GBE1: variants seen among roughly 807,000 people sequenced by gnomAD.
GBE1 encodes 1,4-alpha-glucan-branching enzyme.
GBE1 carries 70 observed loss-of-function variants against 88.8 expected under a neutral mutation model. The ratio of observed to expected loss-of-function variants is 0.79; its 90% confidence interval spans 0.65 to 0.96. GBE1 has a LOEUF of 0.96. GBE1 is among the 40% of genes least tolerant of loss of function. The pLI is 0.00. For synonymous variants in GBE1, 284 were observed against 300.1 expected, an observed-to-expected ratio of 0.95 and a Z score of 0.56; for missense variants, 872 against 871.0, an observed-to-expected ratio of 1.00 and a Z score of -0.01.
At chr3:81,753,866 C>T (rs1439237705) in intron 1 of GBE1, among the ~76,000 whole-genome samples, 1 of 152,172 alleles carries the variant, frequency 6.6e-6, no homozygotes, top group African/African-American at 2.4e-5. Context: ...TCAGAGCCCA[C>T]AACTTGGCCA....
At chr3:81,517,335 A>AT (rs200493697) in intron 14 of GBE1, among the ~76,000 whole-genome samples, 6 of 150,318 alleles carry the variant, frequency 4.0e-5, no homozygotes, top group Non-Finnish European at 7.4e-5. Context: ...TGGCATGTAC[A>AT]TTTTTTTTTA....
chr3:81,621,670 G>A (rs1245100597), intron 7 of GBE1, among the ~76,000 whole-genome samples: 3 of 152,074 alleles, frequency 2.0e-5, no homozygotes, highest in South Asian at 2.1e-4. Context: ...TCTATTACCC[G>A]AATCATTCCT....
At chr3:81,744,001 C>A (rs1246661305) in intron 1 of GBE1, among the ~76,000 whole-genome samples, 1 of 152,064 alleles carries the variant, frequency 6.6e-6, no homozygotes, top group African/African-American at 2.4e-5. Flanking sequence ...TAGGCTAAGT[C>A]AGAATTTCTT....
intron 3 of GBE1, among the ~76,000 whole-genome samples, chr3:81,668,891 T>C (rs1192255772): frequency 6.6e-6 from 1 of 152,216 alleles, no homozygotes; most frequent in East Asian, 1.9e-4. Flanking sequence ...TCCTAGCTCT[T>C]AGGCTTATTG....
intron 2 of GBE1, among the ~76,000 whole-genome samples, chr3:81,676,860 G>A (rs1448561724): frequency 6.6e-6 from 1 of 152,102 alleles, no homozygotes; most frequent in Non-Finnish European, 1.5e-5. Context: ...TTTAAATCGA[G>A]ATATGGAAAA....
chr3:81,761,004 C>T (rs1706672882), intron 1 of GBE1, among the ~76,000 whole-genome samples: 1 of 152,182 alleles, frequency 6.6e-6, no homozygotes, highest in Non-Finnish European at 1.5e-5. Flanking sequence ...CTCCACAGGC[C>T]CACGCTAGTG....
In GBE1 at chr3:81,705,452, C is replaced by T; in HGVS notation, c.305G>A (p.Gly102Glu). The change falls in exon 2 of 16, where the codon GGA becomes GAA. Residue 102 changes from glycine (G) to glutamate (E), a missense_variant. Coordinates refer to ENST00000429644, the MANE Select transcript of GBE1 (RefSeq NM_000158.4). The part of the protein sequence containing the change: ...APGAEGVFLT[G>E]DFNGWNPFSY... ...TGCTTTCAAGTACTTACTAAAATCT[C>T]CAGTAAGAAAAACTCCTTCTGCTCC... The T allele has an allele frequency of 2.5e-6, 4 of 1,583,538 alleles. No individual in the cohort carries two copies. The highest frequency in any genetic ancestry group is 3.4e-6 in the Non-Finnish European group (4 of 1,166,708).
At chr3:81,639,024 A>G (rs1262471788) in intron 7 of GBE1, among the ~76,000 whole-genome samples, 1 of 152,194 alleles carries the variant, frequency 6.6e-6, no homozygotes, top group African/African-American at 2.4e-5. Flanking sequence ...GGGTTATAAA[A>G]TTAATCAGCC....
In GBE1 at chr3:81,761,529, G is replaced by C; in HGVS notation, c.-12C>G. The C allele has an allele frequency of 6.3e-7, 1 of 1,588,972 alleles. No homozygotes were observed. The highest frequency in any genetic ancestry group is 8.5e-7 in the Non-Finnish European group (1 of 1,172,284). ...ATCGGAGCCGCCATATTCCGCCGCA[G>C]TCCAAGTAGCCGAGGCCCGAGAGGT... On this transcript the variant is annotated 5_prime_UTR_variant, in exon 1 of 16. Transcript: ENST00000429644.
intron 12 of GBE1, among the ~76,000 whole-genome samples, chr3:81,561,946 C>T (rs1703424517): frequency 6.6e-6 from 1 of 152,098 alleles, no homozygotes; most frequent in Non-Finnish European, 1.5e-5. Context: ...GCAGGCCTTT[C>T]TTCATGGCCT....
chr3:81,725,933 A>G (rs1385152380), intron 1 of GBE1, among the ~76,000 whole-genome samples: 2 of 152,218 alleles, frequency 1.3e-5, no homozygotes, highest in Non-Finnish European at 2.9e-5. Context: ...TGTTCCAAGC[A>G]GTCATTCCCC....
At chr3:81,543,630 T>C (rs1703169984) in intron 12 of GBE1, among the ~76,000 whole-genome samples, 2 of 152,130 alleles carry the variant, frequency 1.3e-5, no homozygotes, top group Admixed American at 6.6e-5. Context: ...TTCTCAGCTA[T>C]GGGCTACAAA....
intron 5 of GBE1, 127 bp downstream of exon 5, chr3:81,648,729 A>G (rs1704803179): frequency 6.0e-6 from 3 of 503,312 alleles, no homozygotes; most frequent in Admixed American, 4.1e-5. Context: ...GAAGCCTAAA[A>G]TAAAATGCCT....
chr3:81,514,247 T>A (rs1411568980), intron 14 of GBE1, among the ~76,000 whole-genome samples: 1 of 151,576 alleles, frequency 6.6e-6, no homozygotes, highest in African/African-American at 2.4e-5. Context: ...GTAATGTTTA[T>A]AATTTTACAT....
Position 81,758,202 on chromosome 3 carries a change from C to T in GBE1, c.143+3173G>A, listed in dbSNP as rs143854328. ...TCTGCAAAACAGGAAAAATGCCCAC[C>T]GTCTGTCTACCTCATGGTTTTGTTA... On this transcript the variant is annotated intron_variant, in intron 1 of 15. Coordinates refer to ENST00000429644, the MANE Select transcript of GBE1 (RefSeq NM_000158.4). Among the ~76,000 whole-genome samples, 268 of 152,282 alleles carry T rather than the reference C, an allele frequency of 1.8e-3. 1 individual carries two copies. The highest frequency in any genetic ancestry group is 6.1e-3 in the African/African-American group (255 of 41,558).
chr3:81,615,818 A>G (rs573674045), intron 7 of GBE1, among the ~76,000 whole-genome samples: 1 of 152,342 alleles, frequency 6.6e-6, no homozygotes, highest in Non-Finnish European at 1.5e-5. Flanking sequence ...GCTGGCATGT[A>G]TGACAACTGC....
At position 81,654,676 on chromosome 3, in the gene GBE1, AAAAAAAC is replaced by A. The variant is rs1704904997; in HGVS notation, c.430-4762_430-4756del. Reference sequence around the variant, plus strand: ...AAAATTTTTGCTTAAAGCAGAGTGAAAAAAAACATATTGATCAAGATAACTATTTGAT... The same window carrying A: ...AAAATTTTTGCTTAAAGCAGAGTGAAATATTGATCAAGATAACTATTTGAT... On this transcript the variant is annotated intron_variant, in intron 3 of 15. Transcript: ENST00000429644. 4 of 152,172 alleles carry A rather than the reference AAAAAAAC, an allele frequency of 2.6e-5. No homozygotes were observed. The South Asian group carries it at 8.3e-4, about 31-fold the overall frequency. The allele number at this position is 152,172 out of a possible 1,614,324, so 9.4% of individuals were successfully genotyped here.
chr3:81,524,185 G>T (rs1227029745), intron 14 of GBE1, among the ~76,000 whole-genome samples: 1 of 151,768 alleles, frequency 6.6e-6, no homozygotes, highest in Non-Finnish European at 1.5e-5. Flanking sequence ...TTGGAAAAAA[G>T]TTATTTTAAC....
chr3:81,526,225 T>C (rs893394973), intron 14 of GBE1, among the ~76,000 whole-genome samples: 2 of 151,974 alleles, frequency 1.3e-5, no homozygotes, highest in Non-Finnish European at 2.9e-5. Context: ...GATTCTGGTA[T>C]GTTGTGTCTT....
Sources: gnomAD v4.1 joint callset for allele counts (sites outside exome capture counted in the v4.1 genomes callset) on GRCh38, gnomAD v4.1.1 for gene constraint, MANE v1.5 for transcripts, NCBI Gene and HGNC (gene_info 2026-07-23, HGNC 2026-07-21) for gene names.